The following CSMD3 variants were observed in gnomAD, a reference collection of about 807,000 sequenced individuals.
The protein encoded by CSMD3 is CUB and Sushi multiple domains 3.
In CSMD3, 177 loss-of-function variants were observed where a neutral mutation model predicts 435.2. The ratio of observed to expected loss-of-function variants is 0.41; its 90% CI spans 0.36 to 0.46. The LOEUF (loss-of-function observed/expected upper bound fraction) is 0.46. Among genes scored for constraint, CSMD3 ranks in the 20% least tolerant of loss-of-function variants. The pLI is 0.34. For missense variants in CSMD3, 4,265 were observed against 4,504.6 expected (o/e 0.95, Z 1.52); for synonymous variants, 1,656 against 1,520.5 (o/e 1.09, Z -2.07).
intron 13 of CSMD3, among the ~76,000 whole-genome samples, chr8:112,710,946 A>T (rs575016993): frequency 3.3e-5 from 5 of 151,966 alleles, no homozygotes; most frequent in Admixed American, 2.0e-4. Context: ...CCTGAATTAG[A>T]TCCACTTTCT....
At chr8:112,681,671 G>C (rs1346511401) in intron 16 of CSMD3, among the ~76,000 whole-genome samples, 1 of 151,948 alleles carries the variant, frequency 6.6e-6, no homozygotes, top group African/African-American at 2.4e-5. Context: ...TTTGAGACCA[G>C]CCTGGCCAAC....
intron 5 of CSMD3, among the ~76,000 whole-genome samples, chr8:113,046,730 T>G (rs2087852893): frequency 6.6e-6 from 1 of 152,110 alleles, no homozygotes; most frequent in African/African-American, 2.4e-5. Context: ...ACAAGATTCA[T>G]AAGGGAGTCA....
intron 1 of CSMD3, among the ~76,000 whole-genome samples, chr8:113,392,946 T>C (rs1275617027): frequency 1.6e-5 from 1 of 63,822 alleles, no homozygotes. Flanking sequence ...CATGTGTCTA[T>C]ATATATATAT....
intron 2 of CSMD3, chr8:113,312,819 A>G (rs2093879789): frequency 6.6e-6 from 1 of 152,218 alleles, no homozygotes; most frequent in African/African-American, 2.4e-5. Flanking sequence ...CGTGCGTACC[A>G]TAATGTATAT....
At chr8:112,573,046 A>C (rs913648679) in intron 24 of CSMD3, among the ~76,000 whole-genome samples, 2 of 152,284 alleles carry the variant, frequency 1.3e-5, no homozygotes, top group African/African-American at 2.4e-5. Flanking sequence ...ACACAAAAGC[A>C]GAACAAACTA....
chr8:112,496,589 G>T (rs1171351381), intron 30 of CSMD3, among the ~76,000 whole-genome samples: 1 of 152,140 alleles, frequency 6.6e-6, no homozygotes, highest in Non-Finnish European at 1.5e-5. Flanking sequence ...ATAAAAAAAA[G>T]TGGCACATAT....
chr8:112,829,939 T>C (rs2079819490), intron 11 of CSMD3, 150 bp from the exon 12 acceptor site: 1 of 589,054 alleles, frequency 1.7e-6, no homozygotes, highest in African/African-American at 1.9e-5. Flanking sequence ...GCAGTTCAAT[T>C]ATGTATAAAT....
intron 61 of CSMD3, among the ~76,000 whole-genome samples, chr8:112,260,206 C>A (rs778955633): frequency 6.6e-6 from 1 of 152,122 alleles, no homozygotes; most frequent in Non-Finnish European, 1.5e-5. Context: ...GATTTGCATA[C>A]CCAATGGATA....
intron 3 of CSMD3, among the ~76,000 whole-genome samples, chr8:113,243,312 T>C (rs1342942229): frequency 6.6e-6 from 1 of 152,006 alleles, no homozygotes; most frequent in Non-Finnish European, 1.5e-5. Flanking sequence ...AAGGGAAATG[T>C]CACTGCTATC....
chr8:112,302,766 A>G (rs1395882263), intron 52 of CSMD3, among the ~76,000 whole-genome samples: 2 of 151,908 alleles, frequency 1.3e-5, no homozygotes, highest in Non-Finnish European at 2.9e-5. Flanking sequence ...AACTTGCAAG[A>G]GTTGCATATC....
At chr8:113,108,167 C>T (rs2090536406) in intron 4 of CSMD3, among the ~76,000 whole-genome samples, 1 of 152,074 alleles carries the variant, frequency 6.6e-6, no homozygotes, top group South Asian at 2.1e-4. Flanking sequence ...TGGTGGCTCA[C>T]ACCTGTAATC....
intron 15 of CSMD3, among the ~76,000 whole-genome samples, chr8:112,683,374 C>T (rs909918258): frequency 6.6e-6 from 1 of 151,884 alleles, no homozygotes; most frequent in African/African-American, 2.4e-5. Flanking sequence ...ATCCCCTGGA[C>T]CGGATTTTAA....
At chr8:112,336,420 AC>A (rs1289090073) in intron 44 of CSMD3, among the ~76,000 whole-genome samples, 4 of 152,060 alleles carry the variant, frequency 2.6e-5, no homozygotes, top group Admixed American at 2.0e-4. Flanking sequence ...TCTTGTTTTC[AC>A]CTATGAAGTC....
chr8:112,809,789 T>A (rs914101854), intron 12 of CSMD3, among the ~76,000 whole-genome samples: 1 of 151,456 alleles, frequency 6.6e-6, no homozygotes, highest in Non-Finnish European at 1.5e-5. Flanking sequence ...GCATTTAAGT[T>A]AAAAAAAAAC....
chr8:112,485,743 T>A (rs11998413), intron 31 of CSMD3, among the ~76,000 whole-genome samples: 2,640 of 152,232 alleles, frequency 0.017, 79 homozygotes, highest in African/African-American at 0.06. Context: ...TTCTTATTTT[T>A]TGGTTTGTTT....
intron 6 of CSMD3, among the ~76,000 whole-genome samples, chr8:113,005,061 A>T (rs1041253197): frequency 2.0e-5 from 3 of 151,902 alleles, no homozygotes; most frequent in African/African-American, 7.2e-5. Context: ...CTGTATATAT[A>T]CACACATATA....
chr8:113,268,438 A>G (rs2132400006), intron 3 of CSMD3, among the ~76,000 whole-genome samples: 1 of 152,068 alleles, frequency 6.6e-6, no homozygotes, highest in African/African-American at 2.4e-5. Flanking sequence ...ATTCAAGTGT[A>G]TGGTAGAAAT....
At chr8:112,371,354 A>T (rs1828372400) in intron 38 of CSMD3, among the ~76,000 whole-genome samples, 1 of 152,140 alleles carries the variant, frequency 6.6e-6, no homozygotes, top group South Asian at 2.1e-4. Context: ...GCCCTTGGCA[A>T]TATTTGTGTG....
intron 31 of CSMD3, among the ~76,000 whole-genome samples, chr8:112,482,061 A>G (rs753366228): frequency 1.3e-5 from 2 of 152,132 alleles, no homozygotes; most frequent in African/African-American, 2.4e-5. Context: ...AAACCATTTT[A>G]ATGACTCAAT....
Sources: gnomAD v4.1 joint callset for allele counts (sites outside exome capture counted in the v4.1 genomes callset) on GRCh38, gnomAD v4.1.1 for gene constraint, MANE v1.5 for transcripts, NCBI Gene and HGNC (gene_info 2026-07-23, HGNC 2026-07-21) for gene names.